The following ATG10 variants were observed in gnomAD, a reference collection of about 807,000 sequenced individuals.
The protein encoded by ATG10 is autophagy related 10, also known as ubiquitin-like-conjugating enzyme ATG10.
ATG10 carries 30 observed loss-of-function variants against 32.1 expected under a neutral mutation model. The observed-to-expected ratio is 0.94, with a 90% confidence interval of 0.70 to 1.27. The LOEUF (loss-of-function observed/expected upper bound fraction) is 1.27. Among genes scored for constraint, ATG10 ranks in the 50% most tolerant of loss-of-function variants. ATG10 has a pLI of 0.00. For synonymous variants in ATG10, 87 were observed against 91.5 expected (o/e 0.95, Z 0.28); for missense variants, 233 against 262.3 (o/e 0.89, Z 0.77).
At chr5:82,095,088 G>A (rs572083412) in intron 3 of ATG10, among the ~76,000 whole-genome samples, 87 of 152,098 alleles carry the variant, frequency 5.7e-4, no homozygotes, top group Non-Finnish European at 1.0e-3. Flanking sequence ...AATAAATAAA[G>A]CTTTTACTAC....
chr5:81,998,700 C>T (rs972227951), intron 2 of ATG10, among the ~76,000 whole-genome samples: 4 of 151,904 alleles, frequency 2.6e-5, no homozygotes, highest in East Asian at 1.9e-4. Context: ...AAAAATCTAC[C>T]GAGAAAATGG....
intron 2 of ATG10, among the ~76,000 whole-genome samples, chr5:82,014,276 G>T (rs1044172119): frequency 6.6e-6 from 1 of 152,108 alleles, no homozygotes; most frequent in South Asian, 2.1e-4. Flanking sequence ...GAATAAGTGC[G>T]ATGTGGTGCT....
At chr5:82,112,818 AT>A (rs1449388299) in intron 3 of ATG10, among the ~76,000 whole-genome samples, 6 of 151,918 alleles carry the variant, frequency 3.9e-5, no homozygotes, top group African/African-American at 1.4e-4. Context: ...TGATAGAATG[AT>A]TTTATTGGCT....
chr5:82,201,972 A>G (rs1483427918), intron 5 of ATG10, among the ~76,000 whole-genome samples: 1 of 152,170 alleles, frequency 6.6e-6, no homozygotes, highest in Non-Finnish European at 1.5e-5. Flanking sequence ...ATTTTTGTAT[A>G]TTGTCCATAG....
chr5:82,014,311 T>G (rs1762214843), intron 2 of ATG10, among the ~76,000 whole-genome samples: 1 of 152,194 alleles, frequency 6.6e-6, no homozygotes. Context: ...TTCTGTTGAT[T>G]TGGGGTGGAG....
intron 3 of ATG10, among the ~76,000 whole-genome samples, chr5:82,096,007 C>G (rs564007750): frequency 6.6e-6 from 1 of 152,304 alleles, no homozygotes; most frequent in African/African-American, 2.4e-5. Flanking sequence ...CTATCAGCTT[C>G]TTTCCTTTGC....
chr5:82,218,401 G>GTTTT (rs1431884506), intron 5 of ATG10, among the ~76,000 whole-genome samples: 3 of 151,956 alleles, frequency 2.0e-5, no homozygotes, highest in African/African-American at 7.3e-5. Context: ...ATCCTAGGGA[G>GTTTT]TTTTTTTTGT....
intron 3 of ATG10, among the ~76,000 whole-genome samples, chr5:82,079,326 G>A (rs1764388067): frequency 6.6e-6 from 1 of 151,960 alleles, no homozygotes; most frequent in Admixed American, 6.6e-5. Flanking sequence ...TTACATGGAT[G>A]GCAGCAGGCA....
At chr5:82,133,226 A>T (rs1766611897) in intron 3 of ATG10, among the ~76,000 whole-genome samples, 1 of 152,086 alleles carries the variant, frequency 6.6e-6, no homozygotes, top group African/African-American at 2.4e-5. Flanking sequence ...GCGGTGCAGA[A>T]GCTCTTTAGT....
chr5:82,091,825 G>A (rs547974260), intron 3 of ATG10, among the ~76,000 whole-genome samples: 41 of 152,274 alleles, frequency 2.7e-4, no homozygotes, highest in African/African-American at 8.7e-4. Flanking sequence ...ACTTAAGGTC[G>A]TTTGGTTAAT....
At chr5:82,034,255 G>A (rs559453870) in intron 2 of ATG10, among the ~76,000 whole-genome samples, 4 of 152,062 alleles carry the variant, frequency 2.6e-5, no homozygotes, top group African/African-American at 9.6e-5. Context: ...CCCTATGTCA[G>A]TAATCATTAG....
At chr5:82,124,654 T>C (rs1766187593) in intron 3 of ATG10, among the ~76,000 whole-genome samples, 1 of 152,082 alleles carries the variant, frequency 6.6e-6, no homozygotes, top group Non-Finnish European at 1.5e-5. Flanking sequence ...TATTCCATGG[T>C]GTATATGTGC....
At chr5:82,135,191 A>AT (rs1439155845) in intron 3 of ATG10, among the ~76,000 whole-genome samples, 65 of 151,996 alleles carry the variant, frequency 4.3e-4, no homozygotes, top group African/African-American at 1.0e-3. Flanking sequence ...GGATTCATTG[A>AT]TTTTTTGAAG....
chr5:82,113,179 G>A (rs1581701409), intron 3 of ATG10, among the ~76,000 whole-genome samples: 1 of 151,788 alleles, frequency 6.6e-6, no homozygotes, highest in East Asian at 1.9e-4. Context: ...AGAAGGTATA[G>A]CATATACTAT....
At chr5:82,148,668 A>G (rs1208396285) in intron 3 of ATG10, among the ~76,000 whole-genome samples, 1 of 152,186 alleles carries the variant, frequency 6.6e-6, no homozygotes, top group Non-Finnish European at 1.5e-5. Flanking sequence ...ACAAGTTCAT[A>G]CCAATCTTTA....
At chr5:82,176,576 G>A (rs956147621) in intron 4 of ATG10, among the ~76,000 whole-genome samples, 23 of 151,806 alleles carry the variant, frequency 1.5e-4, no homozygotes, top group African/African-American at 2.2e-4. Context: ...ACACACACAC[G>A]CATGCGCACA....
intron 3 of ATG10, among the ~76,000 whole-genome samples, chr5:82,071,980 T>C (rs909994992): frequency 5.9e-5 from 9 of 152,206 alleles, no homozygotes; most frequent in African/African-American, 1.9e-4. Context: ...GAGGGAGTGA[T>C]GGTGTCAAGA....
chr5:82,243,284 T>C (rs1332780229), intron 5 of ATG10, among the ~76,000 whole-genome samples: 1 of 151,724 alleles, frequency 6.6e-6, no homozygotes, highest in Non-Finnish European at 1.5e-5. Flanking sequence ...ACATTAAAAA[T>C]AGAATGAGTA....
At chr5:82,209,774 T>C (rs1745428971) in intron 5 of ATG10, among the ~76,000 whole-genome samples, 1 of 152,154 alleles carries the variant, frequency 6.6e-6, no homozygotes, top group Non-Finnish European at 1.5e-5. Flanking sequence ...AATAGATTGC[T>C]TTTGCCCCAG....
Sources: gnomAD v4.1 joint callset for allele counts (sites outside exome capture counted in the v4.1 genomes callset) on GRCh38, gnomAD v4.1.1 for gene constraint, MANE v1.5 for transcripts, NCBI Gene and HGNC (gene_info 2026-07-23, HGNC 2026-07-21) for gene names.